Variants in SHTN1 observed in about 807,000 individuals in gnomAD.
SHTN1 encodes the protein shootin-1.
A neutral mutation model predicts 83.1 loss-of-function variants in SHTN1; 42 were observed. The ratio of observed to expected loss-of-function variants is 0.51; its 90% CI spans 0.39 to 0.65. The LOEUF is 0.65. Among genes scored for constraint, SHTN1 ranks in the 30% least tolerant of loss-of-function variants. The pLI, the probability that SHTN1 is intolerant of heterozygous loss-of-function variation, is 0.00. For synonymous variants in SHTN1, 224 were observed against 247.7 expected, an observed-to-expected ratio of 0.90 and a Z score of 0.90; for missense variants, 622 against 737.8, an observed-to-expected ratio of 0.84 and a Z score of 1.82.
intron 2 of SHTN1, among the ~76,000 whole-genome samples, chr10:116,977,417 T>C (rs1049031332): frequency 3.9e-5 from 6 of 152,176 alleles, no homozygotes; most frequent in Non-Finnish European, 7.4e-5. Flanking sequence ...GGGACTGATA[T>C]CATCTCAGTC....
chr10:116,991,911 G>A (rs1394939652), intron 1 of SHTN1, among the ~76,000 whole-genome samples: 1 of 152,176 alleles, frequency 6.6e-6, no homozygotes, highest in Admixed American at 6.5e-5. Flanking sequence ...GGAGGCCAAG[G>A]CAGGCTGACT....
At chr10:116,886,613 A>G in intron 16 of SHTN1, 47 bp from the exon 17 acceptor site, 1 of 1,606,664 alleles carries the variant, frequency 6.2e-7, no homozygotes, top group East Asian at 2.2e-5. Context: ...CAGAGAGAGA[A>G]AATAGTTGTC....
intron 1 of SHTN1, among the ~76,000 whole-genome samples, chr10:117,056,038 C>A (rs536900873): frequency 6.6e-6 from 1 of 152,110 alleles, no homozygotes; most frequent in Non-Finnish European, 1.5e-5. Context: ...AAACAGACAG[C>A]CTGAATAGTC....
intron 1 of SHTN1, among the ~76,000 whole-genome samples, chr10:117,058,571 T>C (rs954367893): frequency 2.6e-5 from 4 of 152,194 alleles, no homozygotes; most frequent in Non-Finnish European, 2.9e-5. Context: ...CCTTACGCAC[T>C]GCTTGTGGAA....
At position 117,024,504 on chromosome 10, in the gene SHTN1, A is replaced by G. The variant is rs1245011591; in HGVS notation, c.-123+23941T>C. Among the ~76,000 whole-genome samples, 4 of 151,542 alleles carry G rather than the reference A, an allele frequency of 2.6e-5. No individual in the cohort carries two copies. In the East Asian group the frequency reaches 5.8e-4, roughly 22 times the overall value. On this transcript the variant is annotated intron_variant, in intron 2 of 17. Coordinates refer to the SHTN1 transcript ENST00000392901. ...CGAGTAGCTGGGACTACAGGCGCCC[A>G]CCACCACGCCTGGCTAATTTTTTAT... is the stretch of plus-strand genomic sequence containing the variant.
chr10:117,115,956 T>C (rs1207798573), intron 1 of SHTN1, among the ~76,000 whole-genome samples: 1 of 152,116 alleles, frequency 6.6e-6, no homozygotes, highest in African/African-American at 2.4e-5. Flanking sequence ...CTTGGACAAA[T>C]AAAATTCCTT....
Position 116,911,833 on chromosome 10 carries a change from G to T in SHTN1, c.1316C>A (p.Ser439Ter). 1 of 1,610,870 alleles carries T rather than the reference G, an allele frequency of 6.2e-7. No homozygotes were observed. The highest frequency in any genetic ancestry group is 8.5e-7 in the Non-Finnish European group (1 of 1,177,250). The change falls in exon 14 of 17, where the codon TCG (serine) becomes TAG (stop). Residue 439 changes from serine to a stop codon, truncating the protein, a stop_gained. Coordinates refer to ENST00000355371, the MANE Select transcript of SHTN1 (RefSeq NM_001127211.3). LOFTEE classifies it high-confidence loss of function. Reference protein sequence around the residue: ...TARPKTKPESSKGCESAVDEL... With the variant: ...TARPKTKPES ...ATCCACTGCACTTTCGCAGCCTTTCGAAGATTCTGGCTATAATTTTAATAA... is the reference window on the plus strand; with the variant it reads ...ATCCACTGCACTTTCGCAGCCTTTCTAAGATTCTGGCTATAATTTTAATAA...
intron 2 of SHTN1, among the ~76,000 whole-genome samples, chr10:117,016,107 A>C (rs2133559833): frequency 6.6e-6 from 1 of 152,352 alleles, no homozygotes; most frequent in South Asian, 2.1e-4. Context: ...ATTCTTATAC[A>C]GATTCACAAA....
chr10:117,036,676 CA>C (rs942702360), intron 2 of SHTN1, among the ~76,000 whole-genome samples: 4 of 151,750 alleles, frequency 2.6e-5, no homozygotes, highest in African/African-American at 9.7e-5. Context: ...TTAATGGGTA[CA>C]AAAAAATAAT....
intron 1 of SHTN1, among the ~76,000 whole-genome samples, chr10:117,061,820 C>T (rs1172139247): frequency 6.6e-6 from 1 of 152,148 alleles, no homozygotes; most frequent in Non-Finnish European, 1.5e-5. Context: ...TCTGCGAAAC[C>T]TAACAATCAG....
At chr10:116,991,804 T>C (rs1208338306) in intron 1 of SHTN1, among the ~76,000 whole-genome samples, 2 of 152,150 alleles carry the variant, frequency 1.3e-5, no homozygotes, top group East Asian at 1.9e-4. Flanking sequence ...CTTTCTCTCC[T>C]AAGCTAAAAT....
chr10:116,914,394 C>T (rs1350590353), intron 13 of SHTN1, among the ~76,000 whole-genome samples: 1 of 151,826 alleles, frequency 6.6e-6, no homozygotes, highest in African/African-American at 2.4e-5. Context: ...ATCGCTTGAA[C>T]ACGGGAGGCA....
intron 1 of SHTN1, among the ~76,000 whole-genome samples, chr10:117,094,958 A>C (rs565437535): frequency 6.6e-6 from 1 of 152,352 alleles, no homozygotes; most frequent in African/African-American, 2.4e-5. Flanking sequence ...TGACGCTGAC[A>C]TCGGAGACAA....
intron 1 of SHTN1, among the ~76,000 whole-genome samples, chr10:117,071,101 GAATA>G (rs1022891354): frequency 1.5e-4 from 23 of 151,992 alleles, no homozygotes; most frequent in African/African-American, 5.1e-4. Flanking sequence ...TATCTTACAT[GAATA>G]AATAAAATGT....
intron 2 of SHTN1, among the ~76,000 whole-genome samples, chr10:117,033,297 G>GA (rs1852447798): frequency 2.0e-5 from 3 of 151,320 alleles, no homozygotes; most frequent in Admixed American, 2.0e-4. Context: ...GCCAGACTAA[G>GA]AAAAAATGAG....
At position 117,104,496 on chromosome 10, in the gene SHTN1, C is replaced by T. The variant is rs199794608; in HGVS notation, c.-189+21811G>A. ...ACAGAAATAGTAGCTCTCGGCCAGGCGCGGTGGCTCACGCCTGTAATCCCA... is the reference window on the plus strand; with the variant it reads ...ACAGAAATAGTAGCTCTCGGCCAGGTGCGGTGGCTCACGCCTGTAATCCCA... On this transcript the variant is annotated intron_variant, in intron 1 of 17. Coordinates refer to the SHTN1 transcript ENST00000392901. Among the ~76,000 whole-genome samples the T allele has an allele frequency of 7.5e-4, 114 of 152,168 alleles. 2 individuals are homozygous for T. The South Asian group carries it at 0.022, about 30-fold the overall frequency.
intron 1 of SHTN1, among the ~76,000 whole-genome samples, chr10:116,981,840 T>A (rs1224136746): frequency 6.6e-6 from 1 of 152,228 alleles, no homozygotes; most frequent in East Asian, 1.9e-4. Flanking sequence ...GGGCAGATCA[T>A]CAGGTCAGGA....
intron 1 of SHTN1, among the ~76,000 whole-genome samples, chr10:116,996,450 C>T (rs1009015821): frequency 7.9e-5 from 12 of 152,128 alleles, no homozygotes. Flanking sequence ...ATCACCACAA[C>T]AGCTTTTGTA....
intron 8 of SHTN1, 34 bp downstream of exon 8, chr10:116,944,890 A>G (rs1475637237): frequency 7.1e-7 from 1 of 1,400,808 alleles, no homozygotes; most frequent in Non-Finnish European, 1.0e-6. Context: ...ACTCTGTCTC[A>G]AGAAAAAAAA....
Sources: allele counts gnomAD v4.1 joint callset (sites outside exome capture counted in the v4.1 genomes callset), GRCh38; gene constraint gnomAD v4.1.1; transcripts MANE v1.5; gene names NCBI Gene and HGNC (gene_info 2026-07-23, HGNC 2026-07-21).